OTUD7B: variants seen among roughly 807,000 people sequenced by gnomAD.
OTUD7B encodes OTU domain-containing protein 7B.
Under a neutral mutation model 82.2 loss-of-function variants are expected in OTUD7B, and 34 were observed. That is an observed-to-expected ratio of 0.41 (90% CI 0.31 to 0.55). OTUD7B has a LOEUF of 0.55. Among genes scored for constraint, OTUD7B ranks in the 20% least tolerant of loss-of-function variants. The pLI, the probability that OTUD7B is intolerant of heterozygous loss-of-function variation, is 0.20. For synonymous variants in OTUD7B, 398 were observed against 402.7 expected (o/e 0.99, Z 0.14); for missense variants, 944 against 1,062.1 (o/e 0.89, Z 1.55).
intron 2 of OTUD7B, among the ~76,000 whole-genome samples, 190 bp from the exon 3 acceptor site, chr1:149,971,441 G>A (rs959401049): frequency 1.3e-5 from 2 of 151,520 alleles, no homozygotes; most frequent in African/African-American, 4.8e-5. Context: ...TTACTTATTT[G>A]TTGTCTATTT....
At chr1:150,054,200 A>C in the OTUD7B span, 1 of 409,436 alleles carries the variant, frequency 2.4e-6, no homozygotes, top group Non-Finnish European at 4.6e-6. Context: ...CAAAATGCCT[A>C]CATATTATCT....
At chr1:149,949,831 A>G in intron 8 of OTUD7B, 53 bp from the exon 9 acceptor site, 1 of 1,566,542 alleles carries the variant, frequency 6.4e-7, no homozygotes, top group South Asian at 1.2e-5. Context: ...CCTAGTGGAC[A>G]ATCCCTACAT....
chr1:149,951,829 G>T (rs1318188161), intron 7 of OTUD7B, among the ~76,000 whole-genome samples: 2 of 151,180 alleles, frequency 1.3e-5, no homozygotes, highest in African/African-American at 4.9e-5. Flanking sequence ...TACTAGAAAT[G>T]ATAATATACT....
the OTUD7B span, among the ~76,000 whole-genome samples, chr1:150,050,133 G>T: frequency 3.5e-3 from 538 of 152,106 alleles, 5 homozygotes; most frequent in African/African-American, 0.012. Flanking sequence ...GGTCAAGGCT[G>T]CAGTGAGCCA....
intron 3 of OTUD7B, among the ~76,000 whole-genome samples, chr1:149,969,121 C>G (rs182383855): frequency 6.6e-6 from 1 of 152,076 alleles, no homozygotes; most frequent in Non-Finnish European, 1.5e-5. Context: ...CCCAGGAATT[C>G]GAGACCACCT....
chr1:150,035,699 T>G, the OTUD7B span, among the ~76,000 whole-genome samples: 1 of 152,050 alleles, frequency 6.6e-6, no homozygotes, highest in African/African-American at 2.4e-5. Flanking sequence ...AATCCTTATT[T>G]TCACACCAAA....
At chr1:149,960,880 A>G (rs1324413525) in intron 6 of OTUD7B, 1 of 148,864 alleles carries the variant, frequency 6.7e-6, no homozygotes, top group Non-Finnish European at 1.5e-5. Context: ...GAATTATCTA[A>G]TATTCCTTTC....
chr1:150,007,452 T>C (rs1178656053), intron 1 of OTUD7B, among the ~76,000 whole-genome samples: 2 of 152,350 alleles, frequency 1.3e-5, no homozygotes, highest in African/African-American at 4.8e-5. Context: ...AGCCCTTACA[T>C]ACTTATCAGC....
the OTUD7B span, among the ~76,000 whole-genome samples, chr1:150,052,552 T>A: frequency 2.6e-5 from 4 of 152,194 alleles, no homozygotes; most frequent in Non-Finnish European, 5.9e-5. Context: ...CCCATGCTCA[T>A]GGATAGGAAG....
the OTUD7B span, among the ~76,000 whole-genome samples, chr1:150,066,594 T>G: frequency 6.6e-6 from 1 of 152,222 alleles, no homozygotes; most frequent in Non-Finnish European, 1.5e-5. The surrounding 1 kb of genome is among the most constrained non-coding windows in gnomAD (Gnocchi z 4.6). Flanking sequence ...TGTGTACTTC[T>G]TAAAATATAA....
the OTUD7B span, among the ~76,000 whole-genome samples, chr1:150,021,906 T>C: frequency 1.3e-5 from 2 of 152,230 alleles, no homozygotes; most frequent in Non-Finnish European, 2.9e-5. Context: ...AGACTTTCTC[T>C]TGCCACTGAA....
At chr1:150,009,956 A>ACAC (rs1559871861) in intron 1 of OTUD7B, among the ~76,000 whole-genome samples, 10 of 151,076 alleles carry the variant, frequency 6.6e-5, no homozygotes, top group African/African-American at 2.4e-4. Flanking sequence ...CACACACACA[A>ACAC]ACACACACAC....
the OTUD7B span, among the ~76,000 whole-genome samples, chr1:150,027,943 A>T: frequency 6.6e-6 from 1 of 152,218 alleles, no homozygotes; most frequent in Admixed American, 6.5e-5. Context: ...ACAAGGAAAA[A>T]ATACAATTAA....
intron 4 of OTUD7B, among the ~76,000 whole-genome samples, chr1:149,966,538 A>G (rs1361709378): frequency 6.6e-6 from 1 of 152,248 alleles, no homozygotes; most frequent in Non-Finnish European, 1.5e-5. Context: ...AAAATATCCA[A>G]GAAAATAAGT....
intron 3 of OTUD7B, among the ~76,000 whole-genome samples, chr1:149,969,593 T>C (rs1287300481): frequency 2.0e-5 from 3 of 152,126 alleles, no homozygotes; most frequent in Non-Finnish European, 4.4e-5. Flanking sequence ...GCTAATACGG[T>C]GAAACCCCAT....
chr1:149,959,566 A>G, intron 7 of OTUD7B, 118 bp downstream of exon 7: 1 of 692,212 alleles, frequency 1.4e-6, no homozygotes, highest in South Asian at 1.7e-5. Context: ...TGCCCTTAGC[A>G]TAGTTCCCCT....
the OTUD7B span, among the ~76,000 whole-genome samples, chr1:150,044,595 A>G: frequency 6.6e-6 from 1 of 150,420 alleles, no homozygotes; most frequent in Non-Finnish European, 1.5e-5. Flanking sequence ...GCTTGAACCC[A>G]GGAGGCAGAG....
At chr1:150,005,466 G>C (rs1405604179) in intron 1 of OTUD7B, among the ~76,000 whole-genome samples, 1 of 152,016 alleles carries the variant, frequency 6.6e-6, no homozygotes, top group Non-Finnish European at 1.5e-5. Context: ...TTCTAGCTCA[G>C]AAATACTACA....
At chr1:150,053,438 C>G in the OTUD7B span, among the ~76,000 whole-genome samples, 1 of 151,562 alleles carries the variant, frequency 6.6e-6, no homozygotes, top group African/African-American at 2.4e-5. Context: ...CTCTTGTCAC[C>G]CAGGCTGTAG....
Sources: allele counts gnomAD v4.1 joint callset (sites outside exome capture counted in the v4.1 genomes callset), GRCh38; gene constraint gnomAD v4.1.1; non-coding constraint Gnocchi (gnomAD v3.1); transcripts MANE v1.5; gene names NCBI Gene and HGNC (gene_info 2026-07-23, HGNC 2026-07-21).